Variants in KLHL24 observed in about 807,000 individuals in gnomAD.
KLHL24 encodes kelch like family member 24.
A neutral mutation model predicts 53.4 loss-of-function variants in KLHL24; 29 were observed. That is an observed-to-expected ratio of 0.54 (90% confidence interval 0.40 to 0.74). The LOEUF is 0.74. Ranked by LOEUF, KLHL24 falls within the 30% of genes least tolerant of loss-of-function variation. KLHL24 has a pLI of 0.00. For missense variants in KLHL24, 504 were observed against 744.0 expected (o/e 0.68, Z 3.75); for synonymous variants, 222 against 253.7 (o/e 0.88, Z 1.19).
rs752448668 is a variant in KLHL24 at position 183,665,025 on chromosome 3, G to A, written c.1210G>A (p.Val404Ile). 1.3e-6 allele frequency: 2 copies of A among 1,593,144 alleles called. No individual in the cohort carries two copies. The highest frequency in any genetic ancestry group is 1.7e-6 in the Non-Finnish European group (2 of 1,162,596). Residue 404 changes from valine (V) to isoleucine (I), a missense_variant, in exon 5 of 8, where the codon GTC (valine) becomes ATC (isoleucine). Physicochemically the swap from Val to Ile is conservative, Grantham distance 29. Transcript: ENST00000242810. ...AGGCAGATGGCGTCACAAAATGGCT[G>A]TCCTCCTTGGTAAAGTAAGAGAAAC... ...NKGRWRHKMA[V>I]LLGKVYVVGG...
intron 3 of KLHL24, among the ~76,000 whole-genome samples, chr3:183,662,298 G>A (rs1719915709): frequency 2.0e-5 from 3 of 152,136 alleles, no homozygotes; most frequent in South Asian, 4.1e-4. Context: ...GAACAGCTCT[G>A]TTAAAAGAGA....
chr3:183,641,201 A>G (rs1262841296), intron 1 of KLHL24, among the ~76,000 whole-genome samples: 1 of 152,202 alleles, frequency 6.6e-6, no homozygotes, highest in East Asian at 1.9e-4. Flanking sequence ...TTTTTTAAAT[A>G]AAAGATGTAC....
At chr3:183,646,785 G>A (rs1717308575) in intron 2 of KLHL24, among the ~76,000 whole-genome samples, 1 of 151,982 alleles carries the variant, frequency 6.6e-6, no homozygotes, top group African/African-American at 2.4e-5. Flanking sequence ...TATTATTTAT[G>A]TTGTTTGAAT....
At chr3:183,642,501 G>A (rs1004960201) in intron 1 of KLHL24, among the ~76,000 whole-genome samples, 2 of 150,228 alleles carry the variant, frequency 1.3e-5, no homozygotes, top group African/African-American at 4.9e-5. Context: ...AGATATCTGG[G>A]CCAGAAACCA....
At chr3:183,639,917 C>T (rs570202835) in intron 1 of KLHL24, among the ~76,000 whole-genome samples, 7 of 151,994 alleles carry the variant, frequency 4.6e-5, no homozygotes, top group South Asian at 2.1e-4. Flanking sequence ...CCCAGCTACT[C>T]GGGAGGCTGA....
At chr3:183,674,044 C>A (rs1436805398) in intron 7 of KLHL24, among the ~76,000 whole-genome samples, 9 of 152,098 alleles carry the variant, frequency 5.9e-5, no homozygotes, top group African/African-American at 2.2e-4. Flanking sequence ...TTCCAATTAA[C>A]CTAGAAACTT....
chr3:183,663,469 A>C lies in KLHL24; in HGVS notation c.932A>C (p.Tyr311Ser). 1 of 1,541,892 alleles carries C rather than the reference A, an allele frequency of 6.5e-7. No individual in the cohort carries two copies. The highest frequency in any genetic ancestry group is 8.8e-7 in the Non-Finnish European group (1 of 1,136,404). Reference sequence around the variant, plus strand: ...AATTATTATTTTAGGTCCACTGGCTATTCTGAGGTGATAGTTGTCGTTGGA... The same window carrying C: ...AATTATTATTTTAGGTCCACTGGCTCTTCTGAGGTGATAGTTGTCGTTGGA... ...PRTRPRRSTG[Y>S]SEVIVVVGGC... The change falls in exon 4 of 8, where the codon TAT (tyrosine) becomes TCT (serine). Residue 311 changes from tyrosine to serine, a missense_variant. By Grantham distance (144) the Tyr-to-Ser change is moderately radical. Transcript: ENST00000242810. The surrounding 1 kb of genome is among the most constrained non-coding windows in gnomAD (Gnocchi z 4.9).
At chr3:183,667,102 CTT>C (rs1449752081) in intron 5 of KLHL24, among the ~76,000 whole-genome samples, 2 of 152,282 alleles carry the variant, frequency 1.3e-5, no homozygotes, top group African/African-American at 4.8e-5. Context: ...TCCTTCCTCT[CTT>C]TCCCCACAGG....
chr3:183,640,228 G>A (rs2313450), intron 1 of KLHL24, among the ~76,000 whole-genome samples: 50,916 of 152,074 alleles, frequency 0.33, 9,385 homozygotes, highest in African/African-American at 0.49. Context: ...GGTATACCAC[G>A]TGTGATGTCT....
Position 183,650,867 on chromosome 3 carries a change from A to G in KLHL24, c.511A>G (p.Ile171Val). 3 of 1,614,174 alleles carry G rather than the reference A, an allele frequency of 1.9e-6. No individual in the cohort carries two copies. Among genetic ancestry groups the G allele is most frequent in the East Asian group, 2.2e-5 (1 of 44,888 alleles). ...EQLDPCNCLG[I>V]QRFADTHSLK... ...ACTTGATCCTTGTAATTGCTTAGGA[A>G]TCCAGCGCTTTGCTGATACCCATTC... The change falls in exon 3 of 8, where the codon ATC becomes GTC. Residue 171 changes from isoleucine to valine, a missense_variant. Coordinates refer to ENST00000242810, the MANE Select transcript of KLHL24 (RefSeq NM_017644.3). This position sits in a 1 kb window ranked among gnomAD's most constrained non-coding sequence, Gnocchi z 4.5.
In KLHL24 at chr3:183,683,167, C is replaced by T. The variant is rs1202351307; in HGVS notation, c.*3881C>T. ...AGTAGAGACGGATCACTCCTGACCA[C>T]GTGATCCGCCCACCTCGGCCTCCCA... On this transcript the variant is annotated 3_prime_UTR_variant, in exon 8 of 8. Coordinates refer to ENST00000242810, the MANE Select transcript of KLHL24 (RefSeq NM_017644.3). The T allele has an allele frequency of 1.3e-5, 2 of 152,180 alleles. No homozygotes were observed. The highest frequency in any genetic ancestry group is 3.9e-4 in the East Asian group (2 of 5,158). The allele number at this position is 152,180 out of a possible 1,614,324, so 9.4% of individuals were successfully genotyped here.
intron 3 of KLHL24, among the ~76,000 whole-genome samples, chr3:183,658,239 A>C (rs1719199205): frequency 6.6e-6 from 1 of 151,594 alleles, no homozygotes; most frequent in Middle Eastern, 3.4e-3. Context: ...TTCTTTGCAT[A>C]GTTGTAGATG....
rs113041988 is a variant in KLHL24, at chr3:183,671,126, C to A, written c.1317C>A (p.Pro439=). ...SFSNRWTEVA[P]LKEAVSSPAV... ...CAAATCGATGGACTGAAGTTGCTCC[C>A]CTTAAGGAAGCCGTGAGTTCTCCTG... Residue 439 remains proline (P), a synonymous_variant, in exon 6 of 8, where the codon CCC becomes CCA. Transcript: ENST00000242810. 1.9e-6 allele frequency: 3 copies of A among 1,613,962 alleles called. No individual in the cohort carries two copies. Among genetic ancestry groups the A allele is most frequent in the African/African-American group, 2.7e-5 (2 of 74,980 alleles).
intron 3 of KLHL24, among the ~76,000 whole-genome samples, chr3:183,660,839 TG>T (rs1480264781): frequency 6.6e-6 from 1 of 151,610 alleles, no homozygotes; most frequent in African/African-American, 2.4e-5. Context: ...GGGTGGATCA[TG>T]AGGTCAGGAG....
At chr3:183,642,681 A>G (rs1716628488) in intron 1 of KLHL24, among the ~76,000 whole-genome samples, 3 of 151,792 alleles carry the variant, frequency 2.0e-5, no homozygotes, top group Non-Finnish European at 4.4e-5. Flanking sequence ...TTAAGTTTCT[A>G]CAAGATTCAA....
intron 6 of KLHL24, 62 bp downstream of exon 6, chr3:183,671,284 C>A: frequency 6.9e-7 from 1 of 1,451,648 alleles, no homozygotes; most frequent in Non-Finnish European, 9.4e-7. Context: ...ATACAGAAGG[C>A]TTATCAAGTA....
chr3:183,636,973 C>T (rs1577242999), intron 1 of KLHL24, among the ~76,000 whole-genome samples: 1 of 152,190 alleles, frequency 6.6e-6, no homozygotes, highest in East Asian at 1.9e-4. Flanking sequence ...AATTAACACC[C>T]TTTAACTAGT....
chr3:183,677,554 A>C (rs1712104785), intron 7 of KLHL24, among the ~76,000 whole-genome samples: 2 of 152,230 alleles, frequency 1.3e-5, no homozygotes, highest in Non-Finnish European at 2.9e-5. Flanking sequence ...ACCAAGATTT[A>C]ATTTCTTCTA....
At chr3:183,638,920 G>T (rs538709769) in intron 1 of KLHL24, among the ~76,000 whole-genome samples, 1 of 152,358 alleles carries the variant, frequency 6.6e-6, no homozygotes, top group Non-Finnish European at 1.5e-5. Flanking sequence ...GTAGGCTTTG[G>T]CTGGGTGCGG....
Sources: allele counts gnomAD v4.1 joint callset (sites outside exome capture counted in the v4.1 genomes callset), GRCh38; gene constraint gnomAD v4.1.1; non-coding constraint Gnocchi (gnomAD v3.1); transcripts MANE v1.5; gene names NCBI Gene and HGNC (gene_info 2026-07-23, HGNC 2026-07-21).